Variants in DST observed in about 807,000 individuals in gnomAD.
DST encodes the protein dystonin.
A neutral mutation model predicts 875.2 loss-of-function variants in DST; 253 were observed. That is an observed-to-expected ratio of 0.29 (90% CI 0.26 to 0.32). The LOEUF (loss-of-function observed/expected upper bound fraction) is 0.32. Ranked by LOEUF, DST falls within the 10% of genes least tolerant of loss-of-function variation. The pLI, the probability that DST is intolerant of heterozygous loss-of-function variation, is 1.00. For missense variants in DST, 8,287 were observed against 9,111.6 expected (o/e 0.91, Z 3.68); for synonymous variants, 3,124 against 3,197.1 (o/e 0.98, Z 0.77).
chr6:56,603,907 T>C lies in DST; in HGVS notation c.10721A>G (p.Asp3574Gly). 1.2e-6 allele frequency: 2 copies of C among 1,611,588 alleles called. No homozygotes were observed. The highest frequency in any genetic ancestry group is 1.7e-6 in the Non-Finnish European group (2 of 1,178,672). ...AGTACATTCCAAATGGCTTGGGAAA[T>C]CATTACACAGATCCTTGAGCTTCTC... The part of the protein sequence containing the change: ...RDEKLKDLCN[D>G]FPSHLECTSG... Residue 3574 changes from aspartate (D) to glycine (G), a missense_variant, in exon 40 of 104, where the codon GAT becomes GGT. Physicochemically the swap from Asp to Gly is moderately conservative, Grantham distance 94. Transcript: ENST00000680361.
intron 2 of DST, among the ~76,000 whole-genome samples, chr6:56,916,788 A>T (rs1300849837): frequency 2.1e-4 from 29 of 138,282 alleles, no homozygotes; most frequent in East Asian, 1.7e-3. Context: ...TCACACACAC[A>T]CACACACACA....
At chr6:56,668,625 G>A (rs998850237) in intron 10 of DST, among the ~76,000 whole-genome samples, 32 of 151,692 alleles carry the variant, frequency 2.1e-4, no homozygotes, top group Admixed American at 1.8e-3. Flanking sequence ...AAAATTAGCC[G>A]GGAGTGGTGG....
At chr6:56,550,972 GC>G (rs970380649) in intron 61 of DST, among the ~76,000 whole-genome samples, 4 of 152,144 alleles carry the variant, frequency 2.6e-5, no homozygotes, top group African/African-American at 9.7e-5. Context: ...ATTTGACAGA[GC>G]AATGAAGGAG....
intron 52 of DST, 22 bp from the exon 53 acceptor site, chr6:56,572,288 A>C (rs1258794723): frequency 9.3e-6 from 14 of 1,511,058 alleles, no homozygotes; most frequent in Non-Finnish European, 1.2e-5. Flanking sequence ...TAAGATATTC[A>C]GTCAATATAA....
chr6:56,876,748 C>T (rs1241442367), intron 3 of DST, among the ~76,000 whole-genome samples: 2 of 152,220 alleles, frequency 1.3e-5, no homozygotes, highest in Non-Finnish European at 2.9e-5. Context: ...GTTCTCAGCA[C>T]TGTTTTTCTT....
intron 4 of DST, among the ~76,000 whole-genome samples, chr6:56,774,852 C>T (rs888078464): frequency 1.3e-5 from 2 of 151,832 alleles, no homozygotes; most frequent in Non-Finnish European, 2.9e-5. Flanking sequence ...ATTAGCCAGG[C>T]GTGGTAGTGC....
chr6:56,692,917 C>T, intron 9 of DST: 1 of 1,289,750 alleles, frequency 7.8e-7, no homozygotes, highest in Non-Finnish European at 1.0e-6. Flanking sequence ...CTGTACCAGT[C>T]CCCTGGATAA....
rs1016954113 is a variant in DST, at chr6:56,543,924, AATTATTAG to A, written c.16609-6992_16609-6985del. On this transcript the variant is annotated intron_variant, in intron 61 of 103. Transcript: ENST00000680361. ...TCTATCGGTAACTCATCCATTCAAC[AATTATTAG>A]ATTATTAGATGCAACTCAGTATGTG... 3.6e-3 allele frequency among the ~76,000 whole-genome samples: 551 copies of A among 152,336 alleles called. 5 individuals are homozygous for A. The highest frequency in any genetic ancestry group is 0.013 in the African/African-American group (534 of 41,578).
chr6:56,602,910 T>C lies in DST; in HGVS notation c.11279A>G (p.Tyr3760Cys). ...IEIVNVQDSE[Y>C]VKKRLEFLKN... is the part of the protein sequence containing the mutation. ...GAGAAACTCCAAACGTTTCTTTACATACTCAGAATCTTGAACATTCACAAT... is the reference window on the plus strand; with the variant it reads ...GAGAAACTCCAAACGTTTCTTTACACACTCAGAATCTTGAACATTCACAAT... Residue 3760 changes from tyrosine (Y) to cysteine (C), a missense_variant, in exon 43 of 104, where the codon TAT becomes TGT. Physicochemically the swap from Tyr to Cys is radical, Grantham distance 194. Coordinates refer to ENST00000680361, the MANE Select transcript of DST (RefSeq NM_001374736.1). 1 of 1,557,796 alleles carries C rather than the reference T, an allele frequency of 6.4e-7. No individual in the cohort carries two copies. Among genetic ancestry groups the C allele is most frequent in the Non-Finnish European group, 8.6e-7 (1 of 1,161,288 alleles).
At chr6:56,933,674 T>C (rs1811430443) in intron 2 of DST, among the ~76,000 whole-genome samples, 1 of 152,180 alleles carries the variant, frequency 6.6e-6, no homozygotes, top group Non-Finnish European at 1.5e-5. Flanking sequence ...ATAGAGGGGT[T>C]CCAGCATGAG....
intron 33 of DST, 24 bp from the exon 34 acceptor site, chr6:56,627,311 C>T (rs2098743581): frequency 6.5e-7 from 1 of 1,528,894 alleles, no homozygotes; most frequent in African/African-American, 1.4e-5. Flanking sequence ...CAGTTTAGAA[C>T]AAAAATGACA....
Position 56,583,930 on chromosome 6 carries a change from C to G in DST, c.12904-4993G>C, listed in dbSNP as rs551692528. Among the ~76,000 whole-genome samples, 369 of 152,234 alleles carry G rather than the reference C, an allele frequency of 2.4e-3. 1 individual carries two copies. The highest frequency in any genetic ancestry group is 8.6e-3 in the African/African-American group (358 of 41,540). On this transcript the variant is annotated intron_variant, in intron 49 of 103. Transcript: ENST00000680361. ...ATACGCGGTGTTATTTCTGAGGGCTCTGTTCTGTTCCATTGATCTATATCT... is the reference window on the plus strand; with the variant it reads ...ATACGCGGTGTTATTTCTGAGGGCTGTGTTCTGTTCCATTGATCTATATCT...
intron 36 of DST, chr6:56,617,533 A>G: frequency 9.7e-7 from 1 of 1,032,300 alleles, no homozygotes; most frequent in East Asian, 2.4e-5. Context: ...AGTGAAAAGA[A>G]GAAAAATTTC....
At position 56,552,259 on chromosome 6, in the gene DST, G is replaced by A. The variant is rs368550568; in HGVS notation, c.16533C>T (p.Ala5511=). The part of the protein sequence containing the change: ...LKEFSILLQK[A]EEHEESQGPV... ...GACCTTGTGACTCTTCATGTTCTTCGGCTTTCTGGAGCAGAATAGAAAATT... is the reference window on the plus strand; with the variant it reads ...GACCTTGTGACTCTTCATGTTCTTCAGCTTTCTGGAGCAGAATAGAAAATT... Residue 5511 remains alanine, a synonymous_variant, in exon 61 of 104, where the codon GCC becomes GCT. Transcript: ENST00000680361. The A allele has an allele frequency of 1.4e-5, 23 of 1,613,738 alleles. No individual in the cohort carries two copies. The highest frequency in any genetic ancestry group is 9.3e-5 in the African/African-American group (7 of 74,872).
chr6:56,522,769 C>T lies in DST; in HGVS notation c.18129+3592G>A, dbSNP rs540995474. 4.0e-4 allele frequency among the ~76,000 whole-genome samples: 61 copies of T among 152,042 alleles called. 1 individual carries two copies. The highest frequency in any genetic ancestry group is 7.2e-4 in the Non-Finnish European group (49 of 67,962). On this transcript the variant is annotated intron_variant, in intron 69 of 103. Transcript: ENST00000680361. ...AAGCAATTAGAACTGCTGAAGAAAG[C>T]TTGGGATTCCCAGACCCAGTAAGAT...
intron 85 of DST, among the ~76,000 whole-genome samples, chr6:56,491,864 T>A (rs1198457891): frequency 6.6e-6 from 1 of 152,062 alleles, no homozygotes. Context: ...TACAATGAAG[T>A]ATGATGTCTC....
chr6:56,582,461 G>A (rs575277230), intron 49 of DST, among the ~76,000 whole-genome samples: 7 of 151,960 alleles, frequency 4.6e-5, no homozygotes, highest in African/African-American at 1.7e-4. Context: ...CTCCTGCTTT[G>A]CCTTGCACCA....
intron 9 of DST, among the ~76,000 whole-genome samples, chr6:56,690,528 GA>G (rs2099221405): frequency 6.6e-6 from 1 of 152,236 alleles, no homozygotes; most frequent in African/African-American, 2.4e-5. Context: ...GACTAGGGGA[GA>G]TCAAGTCAGG....
chr6:56,843,435 G>C, intron 4 of DST: 1 of 1,043,066 alleles, frequency 9.6e-7, no homozygotes, highest in Non-Finnish European at 1.2e-6. Flanking sequence ...AGCGAGCCCA[G>C]GGGCGGCGAC....
Sources: gnomAD v4.1 joint callset for allele counts (sites outside exome capture counted in the v4.1 genomes callset) on GRCh38, gnomAD v4.1.1 for gene constraint, MANE v1.5 for transcripts, NCBI Gene and HGNC (gene_info 2026-07-23, HGNC 2026-07-21) for gene names.